Variants in OCM observed in about 807,000 individuals in gnomAD.
OCM encodes oncomodulin-1.
Under a neutral mutation model 14.1 loss-of-function variants are expected in OCM, and 18 were observed. The observed-to-expected ratio is 1.28, with a 90% CI of 0.88 to 1.89. The LOEUF (loss-of-function observed/expected upper bound fraction) is 1.89, where lower values mean the gene tolerates loss of function less well. Among genes scored for constraint, OCM ranks in the 40% most tolerant of loss-of-function variants. OCM has a pLI of 0.00. For missense variants in OCM, 140 were observed against 137.6 expected, an observed-to-expected ratio of 1.02 and a Z score of -0.09; for synonymous variants, 48 against 51.0, an observed-to-expected ratio of 0.94 and a Z score of 0.25.
upstream of OCM, among the ~76,000 whole-genome samples, chr7:5,876,193 G>A (rs1353840770): frequency 1.3e-5 from 2 of 152,038 alleles, no homozygotes; most frequent in South Asian, 2.1e-4. Flanking sequence ...TAGTAGAGAC[G>A]GAGTTTCACC....
At chr7:5,883,705 A>AAACC (rs1158597325) in intron 2 of OCM, among the ~76,000 whole-genome samples, 185 bp from the exon 3 acceptor site, 3 of 151,860 alleles carry the variant, frequency 2.0e-5, no homozygotes, top group African/African-American at 7.2e-5. Flanking sequence ...ACAAACAAAC[A>AAACC]AAACCTTAAA....
At chr7:5,863,119 C>A in the OCM span, among the ~76,000 whole-genome samples, 1 of 152,166 alleles carries the variant, frequency 6.6e-6, no homozygotes. Flanking sequence ...GCCTCATTGA[C>A]ATGTAAAATG....
chr7:5,861,191 G>A, the OCM span, among the ~76,000 whole-genome samples: 1 of 152,120 alleles, frequency 6.6e-6, no homozygotes, highest in Non-Finnish European at 1.5e-5. Flanking sequence ...AGAGGCTGAA[G>A]TAGGCAGATC....
At chr7:5,873,369 C>G in the OCM span, among the ~76,000 whole-genome samples, 6 of 152,014 alleles carry the variant, frequency 3.9e-5, no homozygotes, top group East Asian at 3.9e-4. Flanking sequence ...AAGAGCAAAA[C>G]TCCATCTCAA....
chr7:5,863,666 G>A, the OCM span, among the ~76,000 whole-genome samples: 1 of 151,984 alleles, frequency 6.6e-6, no homozygotes, highest in East Asian at 1.9e-4. Flanking sequence ...CCAGGTAGCT[G>A]GGATTACAGG....
At chr7:5,872,583 T>G in the OCM span, among the ~76,000 whole-genome samples, 4 of 152,124 alleles carry the variant, frequency 2.6e-5, no homozygotes, top group African/African-American at 9.7e-5. Flanking sequence ...CATTGAATAG[T>G]TACCCGGTGA....
chr7:5,882,577 G>A lies in OCM; in HGVS notation c.146G>A (p.Arg49Gln), dbSNP rs376247775. The change falls in exon 2 of 4, where the codon CGG becomes CAG. Residue 49 changes from arginine to glutamine, a missense_variant. By Grantham distance (43) the Arg-to-Gln change is conservative (BLOSUM62 1). Coordinates refer to ENST00000242104, the MANE Select transcript of OCM (RefSeq NM_001097622.2). The part of the protein sequence containing the change: ...MSANQVKDVF[R>Q]FIDNDQSGYL... ...GCCAATCAGGTGAAGGATGTTTTCC[G>A]GTTCATAGACAACGACCAGAGCGGG... The A allele has an allele frequency of 7.4e-6, 12 of 1,614,130 alleles. No individual in the cohort carries two copies. The highest frequency in any genetic ancestry group is 1.0e-5 in the Non-Finnish European group (12 of 1,180,030).
chr7:5,874,932 A>T (rs1422128825), upstream of OCM, among the ~76,000 whole-genome samples: 1 of 151,374 alleles, frequency 6.6e-6, no homozygotes, highest in Non-Finnish European at 1.5e-5. Context: ...CACTCACTCC[A>T]CCCAGCCCTG....
At chr7:5,873,020 A>G in the OCM span, among the ~76,000 whole-genome samples, 9 of 152,116 alleles carry the variant, frequency 5.9e-5, no homozygotes, top group African/African-American at 9.7e-5. Context: ...GTGAACCACA[A>G]TCGCATCATT....
upstream of OCM, among the ~76,000 whole-genome samples, chr7:5,877,870 T>C (rs966886842): frequency 7.1e-5 from 10 of 140,988 alleles, no homozygotes; most frequent in Non-Finnish European, 1.4e-4. Flanking sequence ...TGCCACAACA[T>C]GGATGAAACT....
chr7:5,866,411 G>A, the OCM span, among the ~76,000 whole-genome samples: 2 of 115,214 alleles, frequency 1.7e-5, no homozygotes, highest in East Asian at 3.1e-4. Context: ...GAAGGAAGGG[G>A]GGGAGAGAAG....
rs369444854 is a variant in OCM at position 5,883,889 on chromosome 7, G to T, written c.195-1G>T. The T allele has an allele frequency of 1.1e-4, 175 of 1,612,322 alleles. No individual in the cohort carries two copies. The highest frequency in any genetic ancestry group is 1.5e-4 in the Non-Finnish European group (171 of 1,178,854). On this transcript the variant is annotated splice_acceptor_variant, in intron 2 of 3. Transcript: ENST00000242104. LOFTEE classifies it high-confidence loss of function. ...CCCCATGGATCTTTATTATCCTGTA[G>T]GTTTTTCCTCCAGAAGTTTGAGAGT... is the stretch of plus-strand genomic sequence containing the variant.
chr7:5,868,084 G>C, the OCM span, among the ~76,000 whole-genome samples: 2 of 150,912 alleles, frequency 1.3e-5, no homozygotes, highest in Non-Finnish European at 3.0e-5. Flanking sequence ...TTTTTTCTTC[G>C]GTGTCTAATT....
the OCM span, among the ~76,000 whole-genome samples, chr7:5,865,163 T>A: frequency 1.6e-4 from 24 of 152,074 alleles, no homozygotes; most frequent in South Asian, 3.9e-3. Flanking sequence ...AGGTGTTTCC[T>A]GGCCAGCGTC....
At chr7:5,862,781 C>G in the OCM span, among the ~76,000 whole-genome samples, 1 of 151,874 alleles carries the variant, frequency 6.6e-6, no homozygotes, top group African/African-American at 2.4e-5. Context: ...AAATGTAGAT[C>G]TACTGAGCTC....
intron 3 of OCM, among the ~76,000 whole-genome samples, chr7:5,885,797 G>A (rs1781321514): frequency 6.6e-6 from 1 of 151,998 alleles, no homozygotes; most frequent in Admixed American, 6.6e-5. Context: ...TTTTAGTAGA[G>A]ACAGGGTTTC....
chr7:5,861,805 CT>C, the OCM span, among the ~76,000 whole-genome samples: 5 of 152,042 alleles, frequency 3.3e-5, no homozygotes, highest in Non-Finnish European at 5.9e-5. Flanking sequence ...TCTCAAACCC[CT>C]GGGCTCAAGT....
chr7:5,885,901 G>A (rs1232693199), intron 3 of OCM, among the ~76,000 whole-genome samples, 163 bp from the exon 4 acceptor site: 1 of 152,146 alleles, frequency 6.6e-6, no homozygotes, highest in African/African-American at 2.4e-5. Context: ...GAGCCACTGT[G>A]CCCGGCCAGT....
intron 1 of OCM, among the ~76,000 whole-genome samples, chr7:5,881,318 C>CAA (rs1310064726): frequency 1.7e-4 from 10 of 58,808 alleles, no homozygotes; most frequent in Admixed American, 2.1e-4. Flanking sequence ...ACTCTGTCTA[C>CAA]AAAAAAAAAA....
Sources: gnomAD v4.1 joint callset for allele counts (sites outside exome capture counted in the v4.1 genomes callset) on GRCh38, gnomAD v4.1.1 for gene constraint, MANE v1.5 for transcripts, NCBI Gene and HGNC (gene_info 2026-07-23, HGNC 2026-07-21) for gene names.